PHACTR1: variants seen among roughly 807,000 people sequenced by gnomAD.
PHACTR1 encodes phosphatase and actin regulator 1, also known as RPEL repeat containing 1.
A neutral mutation model predicts 69.2 loss-of-function variants in PHACTR1; 16 were observed. The observed-to-expected ratio is 0.23, with a 90% CI of 0.16 to 0.35. The LOEUF (loss-of-function observed/expected upper bound fraction) is 0.35, where lower values mean the gene tolerates loss of function less well. Ranked by LOEUF, PHACTR1 falls within the 10% of genes least tolerant of loss-of-function variation. PHACTR1 has a pLI of 1.00. For synonymous variants in PHACTR1, 312 were observed against 284.5 expected, an observed-to-expected ratio of 1.10 and a Z score of -0.97; for missense variants, 510 against 734.7, an observed-to-expected ratio of 0.69 and a Z score of 3.54.
intron 4 of PHACTR1, among the ~76,000 whole-genome samples, chr6:12,949,627 T>C (rs1791072759): frequency 2.6e-5 from 4 of 152,232 alleles, no homozygotes; most frequent in Admixed American, 1.3e-4. Flanking sequence ...AGTGCTATAG[T>C]GGTTTATTTA....
In PHACTR1 at chr6:13,246,179, CA is replaced by C. The variant is rs1365977280; in HGVS notation, c.1391+15988del. On this transcript the variant is annotated intron_variant, in intron 10 of 14. Transcript: ENST00000332995. The surrounding 1 kb of genome is among the most constrained non-coding windows in gnomAD (Gnocchi z 4.2). ...AATAAACAGGCCAGTTGTTAGTTAG[CA>C]ACCATAACAACTCATATATCTTCGT... 6.6e-6 allele frequency among the ~76,000 whole-genome samples: 1 copy of C among 152,156 alleles called. No individual in the cohort carries two copies. The highest frequency in any genetic ancestry group is 1.5e-5 in the Non-Finnish European group (1 of 68,024).
chr6:13,008,161 G>C (rs566811958), intron 4 of PHACTR1, among the ~76,000 whole-genome samples: 48 of 152,306 alleles, frequency 3.2e-4, no homozygotes, highest in Admixed American at 7.2e-4. Context: ...TTGATCAAGA[G>C]ATAATAAGGG....
intron 4 of PHACTR1, among the ~76,000 whole-genome samples, chr6:12,806,713 T>C (rs1774377484): frequency 6.6e-6 from 1 of 152,182 alleles, no homozygotes; most frequent in African/African-American, 2.4e-5. Context: ...TACAGTATTA[T>C]TTAGTGAAGC....
chr6:13,101,622 T>C (rs1207260060), intron 5 of PHACTR1, among the ~76,000 whole-genome samples: 1 of 152,202 alleles, frequency 6.6e-6, no homozygotes, highest in Non-Finnish European at 1.5e-5. Context: ...CAGAGTGATG[T>C]GGTCAGAACG....
rs1483745306 is a variant in PHACTR1, at chr6:13,179,967, T to C, written c.497-2552T>C. On this transcript the variant is annotated intron_variant, in intron 6 of 14. Transcript: ENST00000332995. This position sits in a 1 kb window ranked among gnomAD's most constrained non-coding sequence, Gnocchi z 4.2. ...GGGGAGAATTCTAATTGCAGAAAAA[T>C]TGTATGCAAGACGATGGTCCTCACT... Among the ~76,000 whole-genome samples, 1 of 152,140 alleles carries C rather than the reference T, an allele frequency of 6.6e-6. No homozygotes were observed. The highest frequency in any genetic ancestry group is 1.5e-5 in the Non-Finnish European group (1 of 68,034).
At chr6:13,272,450 C>T (rs1562101954) in intron 10 of PHACTR1, 2 of 264,466 alleles carry the variant, frequency 7.6e-6, no homozygotes, top group African/African-American at 2.2e-5. Flanking sequence ...TGGGTCTGCA[C>T]AGAAGAGGCA....
At chr6:13,018,158 G>A (rs1800450951) in intron 4 of PHACTR1, among the ~76,000 whole-genome samples, 1 of 152,194 alleles carries the variant, frequency 6.6e-6, no homozygotes, top group African/African-American at 2.4e-5. Flanking sequence ...CATTGAGACA[G>A]CCTTTTAGGA....
At chr6:13,281,301 C>T (rs1273575900) in intron 12 of PHACTR1, 1 of 374,826 alleles carries the variant, frequency 2.7e-6, no homozygotes, top group African/African-American at 2.1e-5. Flanking sequence ...TATCTGTAAT[C>T]CCAGCACTTT....
rs1765130346 is a variant in PHACTR1 at position 12,742,126 on chromosome 6, TA to T, written c.104-7516del. Among the ~76,000 whole-genome samples the T allele has an allele frequency of 2.0e-5, 3 of 152,312 alleles. No homozygotes were observed. The East Asian group carries it at 5.8e-4, about 29-fold the overall frequency. ...TTTTATAAAGGGAAAGCAAGTTTGT[TA>T]AGAAAGCAAAGGAATAAAAGAATGG... On this transcript the variant is annotated intron_variant, in intron 3 of 14. Coordinates refer to ENST00000332995, the MANE Select transcript of PHACTR1 (RefSeq NM_030948.6).
Position 13,141,604 on chromosome 6 carries a change from G to A in PHACTR1, c.416-18600G>A, listed in dbSNP as rs538312733. Among the ~76,000 whole-genome samples, 212 of 152,224 alleles carry A rather than the reference G, an allele frequency of 1.4e-3. 3 individuals carry two copies. In the South Asian group the frequency reaches 0.016, roughly 12 times the overall value. On this transcript the variant is annotated intron_variant, in intron 5 of 14. Coordinates refer to ENST00000332995, the MANE Select transcript of PHACTR1 (RefSeq NM_030948.6). The stretch of plus-strand genomic sequence containing the variant: ...CCTGTCTCGCTGCCTTGTCATTACC[G>A]TGAGGATGATGGCGTTCTGTAAGAT...
chr6:13,104,345 T>A (rs1255912349), intron 5 of PHACTR1, among the ~76,000 whole-genome samples: 1 of 152,200 alleles, frequency 6.6e-6, no homozygotes, highest in Non-Finnish European at 1.5e-5. Flanking sequence ...TGGTGAAATA[T>A]ATACGCAAGA....
chr6:12,881,801 G>A (rs1411100212), intron 4 of PHACTR1, among the ~76,000 whole-genome samples: 4 of 152,182 alleles, frequency 2.6e-5, no homozygotes, highest in East Asian at 1.9e-4. Context: ...ACTTGAATAC[G>A]TGAATAAATA....
At chr6:13,009,823 G>A (rs533656808) in intron 4 of PHACTR1, among the ~76,000 whole-genome samples, 1 of 151,280 alleles carries the variant, frequency 6.6e-6, no homozygotes, top group East Asian at 2.0e-4. Flanking sequence ...CCCACCCCAT[G>A]AACTCCTAGT....
intron 4 of PHACTR1, among the ~76,000 whole-genome samples, chr6:12,925,676 T>C (rs1788199393): frequency 6.6e-6 from 1 of 152,220 alleles, no homozygotes. Flanking sequence ...ATTCCACTAG[T>C]AAAACTTAAA....
In PHACTR1 at chr6:13,117,951, G is replaced by A. The variant is rs371456840; in HGVS notation, c.416-42253G>A. ...ACTCAACTTTTGCTTTTTACAAGCCGGAGCATAATTTTAAATATTCACGTT... is the reference window on the plus strand; with the variant it reads ...ACTCAACTTTTGCTTTTTACAAGCCAGAGCATAATTTTAAATATTCACGTT... On this transcript the variant is annotated intron_variant, in intron 5 of 14. Coordinates refer to ENST00000332995, the MANE Select transcript of PHACTR1 (RefSeq NM_030948.6). 5.7e-4 allele frequency among the ~76,000 whole-genome samples: 87 copies of A among 152,176 alleles called. No individual in the cohort carries two copies. The South Asian group carries it at 0.014, about 24-fold the overall frequency.
chr6:13,203,780 G>A (rs1205060262), intron 7 of PHACTR1, among the ~76,000 whole-genome samples: 1 of 152,210 alleles, frequency 6.6e-6, no homozygotes, highest in African/African-American at 2.4e-5. Context: ...GTTCAGGAGT[G>A]AGGGTGGATG....
At chr6:12,846,964 A>G (rs768094575) in intron 4 of PHACTR1, among the ~76,000 whole-genome samples, 5 of 148,240 alleles carry the variant, frequency 3.4e-5, no homozygotes, top group African/African-American at 1.3e-4. Context: ...CACACGCCAC[A>G]CACCCTGCTA....
intron 4 of PHACTR1, among the ~76,000 whole-genome samples, chr6:13,003,961 A>T (rs1424046216): frequency 9.2e-6 from 1 of 108,320 alleles, no homozygotes; most frequent in African/African-American, 5.0e-5. Flanking sequence ...CTATATATAT[A>T]TATGTATATA....
At chr6:12,968,955 CCA>C (rs1793833865) in intron 4 of PHACTR1, among the ~76,000 whole-genome samples, 1 of 150,540 alleles carries the variant, frequency 6.6e-6, no homozygotes, top group South Asian at 2.1e-4. Context: ...TTCTGTTAAT[CCA>C]CAGATTCTGA....
Sources: gnomAD v4.1 joint callset for allele counts (sites outside exome capture counted in the v4.1 genomes callset) on GRCh38, gnomAD v4.1.1 for gene constraint, Gnocchi (gnomAD v3.1) non-coding constraint, MANE v1.5 for transcripts, NCBI Gene and HGNC (gene_info 2026-07-23, HGNC 2026-07-21) for gene names.